Variants in TMPRSS15 observed in about 807,000 individuals in gnomAD.
The protein encoded by TMPRSS15 is transmembrane serine protease 15.
A neutral mutation model predicts 125.3 loss-of-function variants in TMPRSS15; 128 were observed. The observed-to-expected ratio is 1.02, with a 90% confidence interval of 0.89 to 1.18. TMPRSS15 has a LOEUF of 1.18. TMPRSS15 is among the 50% of genes most tolerant of loss of function. The pLI is 0.00. For synonymous variants in TMPRSS15, 446 were observed against 423.2 expected, an observed-to-expected ratio of 1.05 and a Z score of -0.66; for missense variants, 1,283 against 1,212.7, an observed-to-expected ratio of 1.06 and a Z score of -0.86.
chr21:18,358,858 A>T (rs911776104), intron 8 of TMPRSS15, among the ~76,000 whole-genome samples: 1 of 152,132 alleles, frequency 6.6e-6, no homozygotes, highest in African/African-American at 2.4e-5. Flanking sequence ...TTCTCAAATC[A>T]TTAAATCTGT....
chr21:18,275,132 G>A, intron 24 of TMPRSS15, 65 bp downstream of exon 24: 1 of 1,559,324 alleles, frequency 6.4e-7, no homozygotes, highest in Non-Finnish European at 8.8e-7. Context: ...TTATTGTTAA[G>A]CAATGAAATA....
intron 13 of TMPRSS15, among the ~76,000 whole-genome samples, chr21:18,333,370 T>C (rs537622342): frequency 2.0e-5 from 3 of 152,322 alleles, no homozygotes; most frequent in African/African-American, 7.2e-5. Context: ...AAATTATTTG[T>C]ACAAAGGAAA....
chr21:18,450,158 A>G (rs563537747), intron 1 of TMPRSS15, among the ~76,000 whole-genome samples: 1 of 152,302 alleles, frequency 6.6e-6, no homozygotes, highest in South Asian at 2.1e-4. Context: ...TCTTATATAC[A>G]AGGCAAATTA....
intron 21 of TMPRSS15, among the ~76,000 whole-genome samples, chr21:18,291,339 A>G (rs1057311501): frequency 1.8e-4 from 28 of 152,334 alleles, no homozygotes; most frequent in African/African-American, 6.3e-4. Context: ...CCTTCTTTTA[A>G]GGTTGTGAAA....
chr21:18,324,178 A>G (rs1248954799), intron 16 of TMPRSS15, among the ~76,000 whole-genome samples: 2 of 151,990 alleles, frequency 1.3e-5, no homozygotes, highest in African/African-American at 4.8e-5. Context: ...CTTTCATTGT[A>G]TCTTTCACTA....
chr21:18,331,979 C>T (rs1155847), intron 14 of TMPRSS15, 105 bp downstream of exon 14: 792,204 of 879,852 alleles, frequency 0.9, 357,356 homozygotes, highest in African/African-American at 0.95. Context: ...ACATGATAGG[C>T]GTACCCATGT....
intron 5 of TMPRSS15, among the ~76,000 whole-genome samples, chr21:18,372,997 A>C (rs2075807903): frequency 6.6e-6 from 1 of 152,212 alleles, no homozygotes; most frequent in Non-Finnish European, 1.5e-5. Context: ...AAGACTTTTA[A>C]AAAAAATTTT....
intron 4 of TMPRSS15, among the ~76,000 whole-genome samples, chr21:18,380,200 CACACACTCATATATCTCTCATATGTA>C: frequency 6.6e-6 from 1 of 151,280 alleles, no homozygotes; most frequent in Non-Finnish European, 1.5e-5. Context: ...CACACACACA[CACACACTCATATATCTCTCATATGTA>C]ACACACACAC....
intron 1 of TMPRSS15, among the ~76,000 whole-genome samples, chr21:18,459,741 A>ATT (rs1440851963): frequency 6.6e-6 from 1 of 152,130 alleles, no homozygotes; most frequent in Non-Finnish European, 1.5e-5. Context: ...TGGTATTTTC[A>ATT]TGGGAATTGT....
intron 3 of TMPRSS15, among the ~76,000 whole-genome samples, chr21:18,384,872 C>G (rs2075928622): frequency 6.6e-6 from 1 of 152,142 alleles, no homozygotes; most frequent in Non-Finnish European, 1.5e-5. Flanking sequence ...ATTTATCTCT[C>G]CATCTATCTA....
At chr21:18,474,652 A>G (rs755864820) in intron 1 of TMPRSS15, among the ~76,000 whole-genome samples, 1 of 152,318 alleles carries the variant, frequency 6.6e-6, no homozygotes, top group Non-Finnish European at 1.5e-5. Flanking sequence ...GTTATGATCA[A>G]CAAAGAGAAT....
At chr21:18,478,250 A>AT (rs140831825) in intron 1 of TMPRSS15, among the ~76,000 whole-genome samples, 1,965 of 150,740 alleles carry the variant, frequency 0.013, 40 homozygotes, top group African/African-American at 0.045. Context: ...CAAATGAATC[A>AT]TTTTCATGTC....
At chr21:18,306,333 A>C (rs753423379) in intron 18 of TMPRSS15, among the ~76,000 whole-genome samples, 1 of 152,190 alleles carries the variant, frequency 6.6e-6, no homozygotes, top group Non-Finnish European at 1.5e-5. Flanking sequence ...AAGTTGTATA[A>C]ACAAATTCAT....
intron 19 of TMPRSS15, among the ~76,000 whole-genome samples, chr21:18,295,356 A>G (rs949892535): frequency 3.9e-5 from 6 of 152,254 alleles, no homozygotes; most frequent in African/African-American, 1.4e-4. Context: ...ATCAGCCACT[A>G]GAGATCAGTA....
At chr21:18,285,315 A>G (rs2074749774) in intron 21 of TMPRSS15, among the ~76,000 whole-genome samples, 1 of 152,220 alleles carries the variant, frequency 6.6e-6, no homozygotes. Flanking sequence ...TCCATTTGTA[A>G]GTGGGACTTT....
intron 1 of TMPRSS15, among the ~76,000 whole-genome samples, chr21:18,468,817 G>A (rs1978719806): frequency 6.6e-6 from 1 of 152,058 alleles, no homozygotes; most frequent in Non-Finnish European, 1.5e-5. Flanking sequence ...ATACCTCCAG[G>A]TGGTACCATA....
At chr21:18,419,349 C>A (rs1352102676) in intron 1 of TMPRSS15, among the ~76,000 whole-genome samples, 2 of 151,576 alleles carry the variant, frequency 1.3e-5, no homozygotes, top group Non-Finnish European at 1.5e-5. Context: ...CCTCAGCCTC[C>A]TGAGTAGCTG....
chr21:18,463,665 CA>C (rs1477764236), intron 1 of TMPRSS15, among the ~76,000 whole-genome samples: 1 of 152,148 alleles, frequency 6.6e-6, no homozygotes, highest in East Asian at 1.9e-4. Context: ...AGCACCACAT[CA>C]CACTTATTCT....
chr21:18,353,025 T>A lies in TMPRSS15; in HGVS notation c.1049A>T (p.Glu350Val), dbSNP rs1223224416. Residue 350 changes from glutamate (E) to valine (V), a missense_variant, in exon 10 of 25, where the codon GAG becomes GTG. Coordinates refer to ENST00000284885, the MANE Select transcript of TMPRSS15 (RefSeq NM_002772.3). ...NNYEKINCNF[E>V]DGFCFWVQDL... ...CTGGACCCAGAAACAAAAGCCATCCTCAAAGTTACAATTAATTTTCTCATA... is the reference window on the plus strand; with the variant it reads ...CTGGACCCAGAAACAAAAGCCATCCACAAAGTTACAATTAATTTTCTCATA... 6.2e-7 allele frequency: 1 copy of A among 1,610,890 alleles called. No individual in the cohort carries two copies. Among genetic ancestry groups the A allele is most frequent in the African/African-American group, 1.3e-5 (1 of 74,844 alleles).
Sources: allele counts gnomAD v4.1 joint callset (sites outside exome capture counted in the v4.1 genomes callset), GRCh38; gene constraint gnomAD v4.1.1; transcripts MANE v1.5; gene names NCBI Gene and HGNC (gene_info 2026-07-23, HGNC 2026-07-21).